RBM47: variants seen among roughly 807,000 people sequenced by gnomAD.
RBM47 encodes RNA binding motif protein 47.
In RBM47, 21 loss-of-function variants were observed where a neutral mutation model predicts 47.1. The observed-to-expected ratio is 0.45, with a 90% CI of 0.32 to 0.64. The LOEUF is 0.64. RBM47 is among the 30% of genes least tolerant of loss of function. RBM47 has a pLI of 0.05. For synonymous variants in RBM47, 375 were observed against 361.7 expected (o/e 1.04, Z -0.42); for missense variants, 708 against 870.9 (o/e 0.81, Z 2.35).
At chr4:40,430,916 G>A (rs1715888019) in intron 6 of RBM47, among the ~76,000 whole-genome samples, 2 of 152,034 alleles carry the variant, frequency 1.3e-5, no homozygotes, top group African/African-American at 4.8e-5. Context: ...GCAAGACTTT[G>A]TCCCTACAAA....
rs149371159 is a variant in RBM47 at position 40,448,728 on chromosome 4, T to A, written c.-31-9804A>T. 2.0e-5 allele frequency among the ~76,000 whole-genome samples: 3 copies of A among 152,334 alleles called. No homozygotes were observed. In the East Asian group the frequency reaches 5.8e-4, roughly 29 times the overall value. On this transcript the variant is annotated intron_variant, in intron 3 of 6. Transcript: ENST00000295971. ...AACAGCACCAGGACTAAGTGACATT[T>A]GGCAATGTGTGGCACACAATTTGTT...
At chr4:40,531,716 A>G (rs1055245484) in intron 2 of RBM47, among the ~76,000 whole-genome samples, 2 of 152,248 alleles carry the variant, frequency 1.3e-5, no homozygotes, top group African/African-American at 4.8e-5. Flanking sequence ...GATATAAAAA[A>G]ATTAAAATCA....
In RBM47 at chr4:40,562,180, ACT is replaced by A. The variant is rs1730694932; in HGVS notation, c.-239-17676_-239-17675del. ...AGAAAGAGACCACCTGGTCTGCTGG[ACT>A]CTAAGACTAGCAGGAGGGGTGGGTA... On this transcript the variant is annotated intron_variant, in intron 1 of 6. Coordinates refer to ENST00000295971, the MANE Select transcript of RBM47 (RefSeq NM_001098634.2). Among the ~76,000 whole-genome samples, 8 of 152,274 alleles carry A rather than the reference ACT, an allele frequency of 5.3e-5. No individual in the cohort carries two copies. The South Asian group carries it at 1.7e-3, about 32-fold the overall frequency.
rs566560164 is a variant in RBM47, at chr4:40,505,873, C to T, written c.-155+38549G>A. On this transcript the variant is annotated intron_variant, in intron 2 of 6. Transcript: ENST00000295971. Reference sequence around the variant, plus strand: ...CACCACTGCAGCCTGGGTGACAGAGCGAGAGTCTGTCTCAAAAAAAACAAA... The same window carrying T: ...CACCACTGCAGCCTGGGTGACAGAGTGAGAGTCTGTCTCAAAAAAAACAAA... 3.6e-3 allele frequency among the ~76,000 whole-genome samples: 546 copies of T among 149,796 alleles called. 4 individuals carry two copies. The highest frequency in any genetic ancestry group is 9.5e-3 in the African/African-American group (384 of 40,506).
chr4:40,606,527 G>A (rs1348983536), intron 1 of RBM47, among the ~76,000 whole-genome samples: 1 of 152,162 alleles, frequency 6.6e-6, no homozygotes, highest in Non-Finnish European at 1.5e-5. Context: ...AGCCCCACCT[G>A]GACAGTTTCA....
chr4:40,610,845 G>C (rs183701982), intron 1 of RBM47, among the ~76,000 whole-genome samples: 9 of 152,008 alleles, frequency 5.9e-5, no homozygotes, highest in Non-Finnish European at 1.0e-4. Context: ...AGGGGTTTCT[G>C]CTTTCACTTC....
At chr4:40,569,008 T>TAGAC (rs1263134771) in intron 1 of RBM47, among the ~76,000 whole-genome samples, 5 of 135,202 alleles carry the variant, frequency 3.7e-5, no homozygotes, top group Non-Finnish European at 8.0e-5. Flanking sequence ...GATAGATAGA[T>TAGAC]AGATAGATAG....
intron 2 of RBM47, among the ~76,000 whole-genome samples, chr4:40,525,592 G>T (rs764329820): frequency 3.9e-5 from 6 of 152,190 alleles, no homozygotes; most frequent in African/African-American, 1.4e-4. Context: ...AGCCAGGGGC[G>T]AAAGAACTTC....
intron 2 of RBM47, among the ~76,000 whole-genome samples, chr4:40,521,563 G>C (rs1290156771): frequency 6.6e-6 from 1 of 152,192 alleles, no homozygotes; most frequent in East Asian, 1.9e-4. Flanking sequence ...CGATGAAACA[G>C]AAAGTATGAT....
chr4:40,526,789 CTTTTTTTTTTTTTTTTTTT>C (rs540484622), intron 2 of RBM47, among the ~76,000 whole-genome samples: 1 of 61,594 alleles, frequency 1.6e-5, no homozygotes, highest in Non-Finnish European at 2.9e-5. Context: ...CAGTTTGGTT[CTTTTTTTTTTTTTTTTTTT>C]TTTTTTTTTG....
At chr4:40,477,285 T>C (rs1227779743) in intron 2 of RBM47, among the ~76,000 whole-genome samples, 1 of 152,220 alleles carries the variant, frequency 6.6e-6, no homozygotes, top group Non-Finnish European at 1.5e-5. Flanking sequence ...TACTCCTAGA[T>C]AGAATAATAG....
intron 1 of RBM47, among the ~76,000 whole-genome samples, chr4:40,571,077 G>A (rs57491065): frequency 0.034 from 5,105 of 152,056 alleles, 205 homozygotes; most frequent in African/African-American, 0.095. Context: ...TTAACAGGGC[G>A]TGGTGGTACA....
chr4:40,460,048 G>A (rs1193403930), intron 3 of RBM47, among the ~76,000 whole-genome samples: 5 of 152,110 alleles, frequency 3.3e-5, no homozygotes, highest in Middle Eastern at 3.2e-3. Flanking sequence ...GAGCCACCAC[G>A]CCTGGCCAGG....
intron 2 of RBM47, among the ~76,000 whole-genome samples, chr4:40,539,703 G>A (rs1728310680): frequency 8.5e-6 from 1 of 117,972 alleles, no homozygotes; most frequent in Admixed American, 1.2e-4. Flanking sequence ...TTGTGCCACT[G>A]CACTCCAGCC....
intron 3 of RBM47, among the ~76,000 whole-genome samples, chr4:40,455,190 G>GT (rs1325537059): frequency 6.6e-6 from 1 of 152,166 alleles, no homozygotes; most frequent in African/African-American, 2.4e-5. Context: ...TTCAAACTAT[G>GT]TTTTTAGACT....
chr4:40,573,040 C>A (rs1731888606), intron 1 of RBM47, among the ~76,000 whole-genome samples: 1 of 149,686 alleles, frequency 6.7e-6, no homozygotes. Context: ...GTAATCCCAG[C>A]TAATTGGGAG....
intron 2 of RBM47, among the ~76,000 whole-genome samples, chr4:40,486,266 A>C (rs539260234): frequency 7.2e-5 from 11 of 152,274 alleles, no homozygotes; most frequent in African/African-American, 2.6e-4. Context: ...AATCAAAGAC[A>C]AACTACAATT....
chr4:40,429,884 C>G (rs1715652370), intron 6 of RBM47, among the ~76,000 whole-genome samples: 1 of 151,808 alleles, frequency 6.6e-6, no homozygotes, highest in Non-Finnish European at 1.5e-5. Context: ...GGAGGATAAG[C>G]AAAGACTGCA....
intron 1 of RBM47, among the ~76,000 whole-genome samples, chr4:40,605,033 C>A (rs1451751837): frequency 1.3e-5 from 2 of 150,836 alleles, no homozygotes; most frequent in Non-Finnish European, 3.0e-5. Context: ...TTGTTGTTGT[C>A]GTGGTTGTTA....
Sources: allele counts gnomAD v4.1 joint callset (sites outside exome capture counted in the v4.1 genomes callset), GRCh38; gene constraint gnomAD v4.1.1; transcripts MANE v1.5; gene names NCBI Gene and HGNC (gene_info 2026-07-23, HGNC 2026-07-21).